Variants in FNDC3A observed in about 807,000 individuals in gnomAD.
The protein encoded by FNDC3A is fibronectin type-III domain-containing protein 3A.
In FNDC3A, 32 loss-of-function variants were observed where a neutral mutation model predicts 148.9. The ratio of observed to expected loss-of-function variants is 0.21; its 90% CI spans 0.16 to 0.29. FNDC3A has a LOEUF of 0.29. Among genes scored for constraint, FNDC3A ranks in the 10% least tolerant of loss-of-function variants. The probability of loss-of-function intolerance (pLI) is 1.00; values close to 1 mark genes in which losing one functional copy is unlikely to be tolerated. For missense variants in FNDC3A, 1,191 were observed against 1,452.8 expected (o/e 0.82, Z 2.93); for synonymous variants, 472 against 473.6 (o/e 1.00, Z 0.04).
At position 49,074,397 on chromosome 13, in the gene FNDC3A, G is replaced by GT. The variant is rs1877953629; in HGVS notation, c.100-889dup. ...AGTAGTAAAACTCTTTTAAAAAGCA[G>GT]TTTAGCAACAAGCACCAAAATTCTG... is the stretch of plus-strand genomic sequence containing the variant. On this transcript the variant is annotated intron_variant, in intron 2 of 25. Transcript: ENST00000492622. Among the ~76,000 whole-genome samples the GT allele has an allele frequency of 2.6e-5, 4 of 152,250 alleles. No homozygotes were observed. In the South Asian group the frequency reaches 8.3e-4, roughly 32 times the overall value.
rs75419532 is a variant in FNDC3A at position 49,205,921 on chromosome 13, G to A, written c.3283-1160G>A. On this transcript the variant is annotated intron_variant, in intron 25 of 25. Transcript: ENST00000492622. ...ACAGAGATCTTACTTTACTTTGAGA[G>A]CAAAGCAATATGTAAAAATTTAGAT... is the stretch of plus-strand genomic sequence containing the variant. Among the ~76,000 whole-genome samples the A allele has an allele frequency of 7.1e-3, 1,074 of 152,258 alleles. 20 individuals carry two copies. Among genetic ancestry groups the A allele is most frequent in the African/African-American group, 0.025 (1,019 of 41,542 alleles).
intron 2 of FNDC3A, among the ~76,000 whole-genome samples, chr13:49,060,643 CAAAAAAAAAAA>C (rs35534890): frequency 1.7e-5 from 1 of 59,716 alleles, no homozygotes; most frequent in Non-Finnish European, 3.0e-5. Context: ...GACTCGGTCT[CAAAAAAAAAAA>C]AAAAAAAAAA....
chr13:49,103,806 C>T (rs949932162), intron 3 of FNDC3A, among the ~76,000 whole-genome samples: 9 of 152,018 alleles, frequency 5.9e-5, no homozygotes, highest in African/African-American at 1.4e-4. Flanking sequence ...AACACAGAGG[C>T]GGAGTGACTA....
chr13:48,985,538 A>G (rs923091127), intron 1 of FNDC3A, among the ~76,000 whole-genome samples: 4 of 152,220 alleles, frequency 2.6e-5, no homozygotes, highest in Non-Finnish European at 4.4e-5. Flanking sequence ...CCCTTACACT[A>G]TAATATTAGA....
chr13:49,144,034 A>ACT lies in FNDC3A; in HGVS notation c.820-1744_820-1743insCT, dbSNP rs1339998074. On this transcript the variant is annotated intron_variant, in intron 7 of 25. Coordinates refer to ENST00000492622, the MANE Select transcript of FNDC3A (RefSeq NM_001079673.2). ...TACTGCTACTACTACTACTACTACT[A>ACT]ATAATAATAATAATAATAAAGTAGA... is the stretch of plus-strand genomic sequence containing the variant. Among the ~76,000 whole-genome samples, 165 of 139,774 alleles carry ACT rather than the reference A, an allele frequency of 1.2e-3. 1 individual carries two copies. The highest frequency in any genetic ancestry group is 3.9e-3 in the East Asian group (20 of 5,072). The allele number at this position is 139,774 out of a possible 152,430, so 91.7% of individuals were successfully genotyped here. A position where few individuals can be genotyped will look rare whatever the true frequency, so the allele number is the denominator to read the frequency against.
chr13:49,088,456 A>ATAC (rs546282848), intron 3 of FNDC3A, among the ~76,000 whole-genome samples: 66 of 152,298 alleles, frequency 4.3e-4, no homozygotes, highest in African/African-American at 9.1e-4. Context: ...TTGTGATCAT[A>ATAC]TACTACTACT....
intron 3 of FNDC3A, among the ~76,000 whole-genome samples, chr13:49,081,304 C>T (rs1370816343): frequency 2.6e-5 from 4 of 152,186 alleles, no homozygotes; most frequent in Non-Finnish European, 5.9e-5. Context: ...AAAAAATACA[C>T]AGACGAGCTA....
chr13:49,141,422 T>C (rs1882682855), intron 7 of FNDC3A, among the ~76,000 whole-genome samples: 1 of 152,206 alleles, frequency 6.6e-6, no homozygotes, highest in Admixed American at 6.5e-5. Context: ...CCCTTCCCTT[T>C]ACCTTTTTGT....
At chr13:49,168,053 A>C (rs1180098321) in intron 9 of FNDC3A, among the ~76,000 whole-genome samples, 1 of 152,166 alleles carries the variant, frequency 6.6e-6, no homozygotes, top group Non-Finnish European at 1.5e-5. Context: ...TTCTAGTGTA[A>C]TTTACTAAAA....
rs1886712133 is a variant in FNDC3A, at chr13:49,207,583, A to G, written c.*188A>G. The G allele has an allele frequency of 4.7e-6, 2 of 428,474 alleles. No individual in the cohort carries two copies. Among genetic ancestry groups the G allele is most frequent in the South Asian group, 6.8e-5 (1 of 14,626 alleles). The allele number at this position is 428,474 out of a possible 1,614,324, so 26.5% of individuals were successfully genotyped here. A position where few individuals can be genotyped will look rare whatever the true frequency, so the allele number is the denominator to read the frequency against. On this transcript the variant is annotated 3_prime_UTR_variant, in exon 26 of 26. Transcript: ENST00000492622. ...GCACTTTATTAGAATGCAAGCCACA[A>G]AAATATCAATTTTGTTTTTTTTGTT... is the stretch of plus-strand genomic sequence containing the variant.
chr13:49,190,728 A>G (rs1270451786), intron 17 of FNDC3A, among the ~76,000 whole-genome samples: 1 of 152,190 alleles, frequency 6.6e-6, no homozygotes, highest in African/African-American at 2.4e-5. Context: ...TTCTTTAGTT[A>G]TGGAAAGAAA....
intron 10 of FNDC3A, among the ~76,000 whole-genome samples, chr13:49,171,193 TAACA>T (rs1324683042): frequency 6.6e-6 from 1 of 152,222 alleles, no homozygotes; most frequent in Non-Finnish European, 1.5e-5. Context: ...TATTAGCGTT[TAACA>T]AATAATTTAG....
intron 2 of FNDC3A, among the ~76,000 whole-genome samples, chr13:49,074,015 A>G (rs1877922719): frequency 1.3e-5 from 2 of 151,966 alleles, no homozygotes; most frequent in African/African-American, 4.8e-5. Context: ...AGGGTTGCAG[A>G]CAATGTAGTA....
At chr13:49,134,958 T>A (rs574076900) in intron 5 of FNDC3A, among the ~76,000 whole-genome samples, 45 of 143,180 alleles carry the variant, frequency 3.1e-4, no homozygotes, top group African/African-American at 9.7e-4. Flanking sequence ...CAGGTTCAAA[T>A]GATTCTCCTG....
At chr13:49,199,511 AGAGGCG>A (rs1379246719) in intron 23 of FNDC3A, among the ~76,000 whole-genome samples, 3 of 151,928 alleles carry the variant, frequency 2.0e-5, no homozygotes, top group African/African-American at 7.3e-5. Flanking sequence ...GTATTTTAGT[AGAGGCG>A]GAGTTTCACC....
intron 2 of FNDC3A, among the ~76,000 whole-genome samples, chr13:49,014,601 C>G (rs1304972473): frequency 1.3e-5 from 2 of 151,408 alleles, no homozygotes; most frequent in Non-Finnish European, 3.0e-5. Context: ...TCTTTAGTTT[C>G]ATTAGATCCC....
rs1344447560 is a variant in FNDC3A at position 49,208,106 on chromosome 13, G to GA, written c.*715dup. The GA allele has an allele frequency of 1.3e-5, 2 of 152,160 alleles. No individual in the cohort carries two copies. The highest frequency in any genetic ancestry group is 2.9e-5 in the Non-Finnish European group (2 of 68,006). 9.4% of individuals were successfully genotyped at this position (152,160 alleles called of 1,614,324 possible). A position where few individuals can be genotyped will look rare whatever the true frequency, so the allele number is the denominator to read the frequency against. ...TACCTCTTCAGGTCTTGAGAACATG[G>GA]AAAAGAATTGAGTGCTTTTAAATAC... On this transcript the variant is annotated 3_prime_UTR_variant, in exon 26 of 26. Transcript: ENST00000492622.
intron 2 of FNDC3A, among the ~76,000 whole-genome samples, chr13:49,071,064 T>C (rs903692304): frequency 1.6e-4 from 22 of 137,138 alleles, no homozygotes; most frequent in African/African-American, 5.6e-4. Context: ...ATGCCGGCTT[T>C]TTTTTTTTTT....
chr13:49,010,725 T>G (rs560536055), intron 2 of FNDC3A, among the ~76,000 whole-genome samples: 1 of 152,282 alleles, frequency 6.6e-6, no homozygotes, highest in Admixed American at 6.5e-5. Flanking sequence ...CCCTAGAAAT[T>G]GCTTGTATGT....
Sources: allele counts gnomAD v4.1 joint callset (sites outside exome capture counted in the v4.1 genomes callset), GRCh38; gene constraint gnomAD v4.1.1; transcripts MANE v1.5; gene names NCBI Gene and HGNC (gene_info 2026-07-23, HGNC 2026-07-21).